KIAA1614: variants seen among roughly 807,000 people sequenced by gnomAD.
KIAA1614 encodes the protein uncharacterized protein KIAA1614.
In KIAA1614, 76 loss-of-function variants were observed where a neutral mutation model predicts 88.7. The observed-to-expected ratio is 0.86, with a 90% CI of 0.71 to 1.04. The LOEUF is 1.04. Ranked by LOEUF, KIAA1614 falls within the 50% of genes least tolerant of loss-of-function variation. The probability of loss-of-function intolerance (pLI) is 0.00; values close to 1 mark genes in which losing one functional copy is unlikely to be tolerated. For synonymous variants in KIAA1614, 714 were observed against 675.5 expected, an observed-to-expected ratio of 1.06 and a Z score of -0.88; for missense variants, 1,553 against 1,582.5, an observed-to-expected ratio of 0.98 and a Z score of 0.32.
In KIAA1614 at chr1:180,935,678, A is replaced by G; in HGVS notation, c.1769A>G (p.His590Arg). The G allele has an allele frequency of 1.2e-6, 2 of 1,613,508 alleles. No homozygotes were observed. Among genetic ancestry groups the G allele is most frequent in the Non-Finnish European group, 1.7e-6 (2 of 1,179,916 alleles). ...LRLLPAEPRL[H>R]MEWIRETHIG... is the part of the protein sequence containing the mutation. ...CTCCTTCCTGCAGAGCCCCGGCTCC[A>G]CATGGAATGGATCCGGGAAACACAC... The change falls in exon 5 of 9, where the codon CAC becomes CGC. Residue 590 changes from histidine to arginine, a missense_variant. Physicochemically the swap from His to Arg is conservative, Grantham distance 29. Coordinates refer to ENST00000367588, the MANE Select transcript of KIAA1614 (RefSeq NM_020950.2). This position sits in a 1 kb window ranked among gnomAD's most constrained non-coding sequence, Gnocchi z 6.1.
Position 180,935,131 on chromosome 1 carries a change from C to T in KIAA1614, c.1222C>T (p.Pro408Ser). 1 of 1,438,708 alleles carries T rather than the reference C, an allele frequency of 7.0e-7. No individual in the cohort carries two copies. Among genetic ancestry groups the T allele is most frequent in the Non-Finnish European group, 9.1e-7 (1 of 1,095,926 alleles). 89.1% of individuals were successfully genotyped at this position (1,438,708 alleles called of 1,614,324 possible). ...CTTCATCAGAGATGGCCACAGAAGC[C>T]CAGCCCGGGACCCCAGGACGACCCC... ...TQGSRDGHRSPARDPRTTPAC... is the reference protein window; with the variant it reads ...TQGSRDGHRSSARDPRTTPAC... The change falls in exon 5 of 9, where the codon CCA becomes TCA. Residue 408 changes from proline to serine, a missense_variant. Physicochemically the swap from Pro to Ser is moderately conservative, Grantham distance 74 (BLOSUM62 -1). Coordinates refer to ENST00000367588, the MANE Select transcript of KIAA1614 (RefSeq NM_020950.2). The surrounding 1 kb of genome is among the most constrained non-coding windows in gnomAD (Gnocchi z 6.1).
chr1:180,917,709 T>A, intron 2 of KIAA1614, 142 bp from the exon 3 acceptor site: 1 of 705,218 alleles, frequency 1.4e-6, no homozygotes, highest in East Asian at 2.6e-5. Flanking sequence ...AGGCTCAGCC[T>A]CCAATTTTCA....
chr1:180,935,310 G>T lies in KIAA1614; in HGVS notation c.1401G>T (p.Arg467=). The T allele has an allele frequency of 6.7e-7, 1 of 1,485,674 alleles. No individual in the cohort carries two copies. The allele number at this position is 1,485,674 out of a possible 1,614,324, so 92.0% of individuals were successfully genotyped here. A position where few individuals can be genotyped will look rare whatever the true frequency, so the allele number is the denominator to read the frequency against. Residue 467 remains arginine, a synonymous_variant, in exon 5 of 9, where the codon CGG becomes CGT. Transcript: ENST00000367588. The surrounding 1 kb of genome is among the most constrained non-coding windows in gnomAD (Gnocchi z 6.1). ...AAGCCGAGTTCCGTCACCTGGAGCG[G>T]CTGCAGCAGCGCCAGCGCCAGGTGC... The part of the protein sequence containing the change: ...AREAEFRHLE[R]LQQRQRQVLS...
Position 180,916,186 on chromosome 1 carries a change from C to A in KIAA1614, c.83C>A (p.Pro28His). The change falls in exon 2 of 9, where the codon CCC (proline) becomes CAC (histidine). Residue 28 changes from proline (P) to histidine (H), a missense_variant. Physicochemically the swap from Pro to His is moderately conservative, Grantham distance 77. Transcript: ENST00000367588. ...GPKTGSGTASPVEGTSAVEWS... is the reference protein window; with the variant it reads ...GPKTGSGTASHVEGTSAVEWS... ...AAGACAGGGAGTGGAACAGCCAGCCCCGTGGAGGGGACCTCAGCTGTGGAG... is the reference window on the plus strand; with the variant it reads ...AAGACAGGGAGTGGAACAGCCAGCCACGTGGAGGGGACCTCAGCTGTGGAG... The A allele has an allele frequency of 6.3e-7, 1 of 1,589,756 alleles. No individual in the cohort carries two copies. Among genetic ancestry groups the A allele is most frequent in the Non-Finnish European group, 8.6e-7 (1 of 1,168,470 alleles).
intron 3 of KIAA1614, among the ~76,000 whole-genome samples, chr1:180,922,196 G>C (rs1309889043): frequency 6.6e-6 from 1 of 152,266 alleles, no homozygotes; most frequent in African/African-American, 2.4e-5. Context: ...CAGGTGCTGA[G>C]TGTGTCTGCA....
Position 180,913,287 on chromosome 1 carries a change from G to GC in KIAA1614, c.49dup (p.Gln17ProfsTer25). ...GCGGCGGCCAAACCCGCGGGCGGCAGCCCCCAGTGAGTATAGAGGAGGCAG... is the reference window on the plus strand; with the variant it reads ...GCGGCGGCCAAACCCGCGGGCGGCAGCCCCCCAGTGAGTATAGAGGAGGCAG... On this transcript the variant is annotated frameshift_variant, in exon 1 of 9. Coordinates refer to ENST00000367588, the MANE Select transcript of KIAA1614 (RefSeq NM_020950.2). LOFTEE classifies it high-confidence loss of function. 1 of 1,258,636 alleles carries GC rather than the reference G, an allele frequency of 7.9e-7. No individual in the cohort carries two copies. The highest frequency in any genetic ancestry group is 1.0e-6 in the Non-Finnish European group (1 of 996,278). The allele number at this position is 1,258,636 out of a possible 1,614,324, so 78.0% of individuals were successfully genotyped here.
chr1:180,950,215 G>A lies in KIAA1614; in HGVS notation c.*4627G>A, dbSNP rs896315051. 2.1e-6 allele frequency: 1 copy of A among 469,226 alleles called. No individual in the cohort carries two copies. The highest frequency in any genetic ancestry group is 2.1e-5 in the African/African-American group (1 of 46,748). 29.1% of individuals were successfully genotyped at this position (469,226 alleles called of 1,614,324 possible). On this transcript the variant is annotated 3_prime_UTR_variant, in exon 9 of 9. Coordinates refer to ENST00000367588, the MANE Select transcript of KIAA1614 (RefSeq NM_020950.2). ...TGTATGTGTGCATGCGCACAGAGAA[G>A]TGCCTGGTATGAGCACCTCCTCCCT...
intron 5 of KIAA1614, among the ~76,000 whole-genome samples, chr1:180,937,929 C>T (rs1654369532): frequency 6.6e-6 from 1 of 152,220 alleles, no homozygotes. Context: ...GAGCCTTTAC[C>T]TTGGAGCTTG....
At chr1:180,932,911 T>G (rs1440666073) in intron 4 of KIAA1614, among the ~76,000 whole-genome samples, 1 of 152,158 alleles carries the variant, frequency 6.6e-6, no homozygotes, top group Non-Finnish European at 1.5e-5. Flanking sequence ...GGCTAATTTT[T>G]TCTATTTTTA....
chr1:180,943,405 T>A (rs1453435695), intron 7 of KIAA1614, among the ~76,000 whole-genome samples: 1 of 147,850 alleles, frequency 6.8e-6, no homozygotes, highest in African/African-American at 2.5e-5. Flanking sequence ...CAATTGCAAA[T>A]TGTGCTGTTA....
At chr1:180,924,586 G>A (rs532020174) in intron 3 of KIAA1614, among the ~76,000 whole-genome samples, 1 of 152,316 alleles carries the variant, frequency 6.6e-6, no homozygotes, top group East Asian at 1.9e-4. Context: ...TCCATTGACA[G>A]GAGGGCCTAT....
rs1302539233 is a variant in KIAA1614 at position 180,916,731 on chromosome 1, C to A, written c.628C>A (p.Gln210Lys). Residue 210 changes from glutamine to lysine, a missense_variant, in exon 2 of 9, where the codon CAG (glutamine) becomes AAG (lysine). Physicochemically the swap from Gln to Lys is moderately conservative, Grantham distance 53 (BLOSUM62 1). Transcript: ENST00000367588. ...GCTGCTGGGGCCCAGCTCTTTGCAA[C>A]AGAGCCCGATCCATGGAGTTACTCC... ...GPLLGPSSLQ[Q>K]SPIHGVTPGR... The A allele has an allele frequency of 6.2e-7, 1 of 1,614,012 alleles. No homozygotes were observed. The highest frequency in any genetic ancestry group is 8.5e-7 in the Non-Finnish European group (1 of 1,179,958).
In KIAA1614 at chr1:180,949,353, G is replaced by T; in HGVS notation, c.*3765G>T. 1 of 152,480 alleles carries T rather than the reference G, an allele frequency of 6.6e-6. No individual in the cohort carries two copies. 9.4% of individuals were successfully genotyped at this position (152,480 alleles called of 1,614,324 possible). A position where few individuals can be genotyped will look rare whatever the true frequency, so the allele number is the denominator to read the frequency against. On this transcript the variant is annotated 3_prime_UTR_variant, in exon 9 of 9. Coordinates refer to ENST00000367588, the MANE Select transcript of KIAA1614 (RefSeq NM_020950.2). ...ACCCAGCATGAAGCATGGGCATCAG[G>T]GGGTCCAGCCTGCCCTGGGAGAGCC... is the stretch of plus-strand genomic sequence containing the variant.
intron 4 of KIAA1614, among the ~76,000 whole-genome samples, chr1:180,932,716 G>T (rs545937955): frequency 3.5e-4 from 53 of 152,120 alleles, no homozygotes; most frequent in African/African-American, 1.3e-3. Flanking sequence ...GTTTTTTTTG[G>T]TTTTGTTTTT....
chr1:180,923,465 A>C (rs917724543), intron 3 of KIAA1614, among the ~76,000 whole-genome samples: 1 of 152,180 alleles, frequency 6.6e-6, no homozygotes, highest in African/African-American at 2.4e-5. Flanking sequence ...TTATTAGATC[A>C]CAGAAGCACA....
chr1:180,919,223 G>A (rs1430459014), intron 3 of KIAA1614, among the ~76,000 whole-genome samples: 1 of 152,142 alleles, frequency 6.6e-6, no homozygotes, highest in Non-Finnish European at 1.5e-5. Flanking sequence ...CATGTGATTG[G>A]GCTTCTGCTT....
chr1:180,945,430 TC>T lies in KIAA1614; in HGVS notation c.3419del (p.Pro1140GlnfsTer63), dbSNP rs1180448068. On this transcript the variant is annotated frameshift_variant, in exon 9 of 9. Transcript: ENST00000367588. LOFTEE classifies it low-confidence loss of function (END_TRUNC). ...CACCAGCCAGCTGCAGCTGCAGCGC[TC>T]CCCAGGGGGCACTTTCGGCTTCTGC... ...DGTSQLQLQR[S>X]PGGTFGFCVA... 3.7e-6 allele frequency: 6 copies of T among 1,608,660 alleles called. No individual in the cohort carries two copies. The highest frequency in any genetic ancestry group is 5.1e-6 in the Non-Finnish European group (6 of 1,178,492).
In KIAA1614 at chr1:180,936,479, T is replaced by C. The variant is rs1169636456; in HGVS notation, c.2570T>C (p.Leu857Pro). ...AGCGCGGTTCTCAGGACCTGTGAGCTGCCCCCATCACAGACCCAGCCCAGC... is the reference window on the plus strand; with the variant it reads ...AGCGCGGTTCTCAGGACCTGTGAGCCGCCCCCATCACAGACCCAGCCCAGC... ...SRSAVLRTCE[L>P]PPSQTQPSRP... The change falls in exon 5 of 9, where the codon CTG (leucine) becomes CCG (proline). Residue 857 changes from leucine to proline, a missense_variant. Coordinates refer to ENST00000367588, the MANE Select transcript of KIAA1614 (RefSeq NM_020950.2). 5 of 1,613,850 alleles carry C rather than the reference T, an allele frequency of 3.1e-6. No homozygotes were observed. In the East Asian group the frequency reaches 8.9e-5, roughly 29 times the overall value.
chr1:180,943,878 C>T (rs1447351026), intron 7 of KIAA1614, among the ~76,000 whole-genome samples: 1 of 152,136 alleles, frequency 6.6e-6, no homozygotes, highest in South Asian at 2.1e-4. Context: ...TGCACTGAAA[C>T]CTTTTAACTT....
Sources: gnomAD v4.1 joint callset for allele counts (sites outside exome capture counted in the v4.1 genomes callset) on GRCh38, gnomAD v4.1.1 for gene constraint, Gnocchi (gnomAD v3.1) non-coding constraint, MANE v1.5 for transcripts, NCBI Gene and HGNC (gene_info 2026-07-23, HGNC 2026-07-21) for gene names.